HDAC8: variants seen among roughly 807,000 people sequenced by gnomAD.
HDAC8 encodes the protein histone deacetylase-like 1.
HDAC8 carries 1 observed loss-of-function variant against 32.2 expected under a neutral mutation model. The ratio of observed to expected loss-of-function variants is 0.03; its 90% CI spans 0.01 to 0.15. HDAC8 has a LOEUF of 0.15. Among genes scored for constraint, HDAC8 ranks in the 10% least tolerant of loss-of-function variants. The probability of loss-of-function intolerance (pLI) is 1.00; values close to 1 mark genes in which losing one functional copy is unlikely to be tolerated. For synonymous variants in HDAC8, 108 were observed against 113.9 expected (o/e 0.95, Z 0.33); for missense variants, 117 against 300.0 (o/e 0.39, Z 4.51).
At chrX:72,567,700 G>C (rs782244592) in intron 4 of HDAC8, 189 bp downstream of exon 4, 2 of 1,194,189 alleles carry the variant, frequency 1.7e-6, no homozygotes, top group Admixed American at 4.4e-5. Context: ...TCCTGACTTT[G>C]AGCAGTGTGC....
chrX:72,344,664 C>G (rs2043977144), intron 10 of HDAC8, among the ~76,000 whole-genome samples: 1 of 111,814 alleles, frequency 8.9e-6, no homozygotes, highest in Non-Finnish European at 1.9e-5. Flanking sequence ...TGTTCCCTCC[C>G]CCAAGAGCTT....
intron 7 of HDAC8, among the ~76,000 whole-genome samples, chrX:72,466,446 CTTTTCCTGAGGA>C (rs1180120483): frequency 2.7e-5 from 3 of 112,127 alleles, no homozygotes; most frequent in African/African-American, 9.7e-5. Context: ...GAATAATCAA[CTTTTCCTGAGGA>C]TTTTAAAAAG....
intron 9 of HDAC8, among the ~76,000 whole-genome samples, chrX:72,460,958 G>A (rs900269335): frequency 8.9e-6 from 1 of 112,119 alleles, no homozygotes; most frequent in Admixed American, 9.5e-5. Context: ...CCTTCTATTT[G>A]TATTCTAGAC....
intron 7 of HDAC8, among the ~76,000 whole-genome samples, chrX:72,472,044 C>A (rs1555997958): frequency 9.6e-6 from 1 of 103,790 alleles, no homozygotes; most frequent in African/African-American, 3.5e-5. Flanking sequence ...GGTAAGGGTC[C>A]AACTTTATTT....
chrX:72,378,126 A>C (rs2045142866), intron 9 of HDAC8, among the ~76,000 whole-genome samples: 1 of 110,708 alleles, frequency 9.0e-6, no homozygotes, highest in African/African-American at 3.3e-5. Flanking sequence ...ACTTAATTTC[A>C]ATAGTATATG....
chrX:72,472,460 T>C (rs1266103391), intron 7 of HDAC8, among the ~76,000 whole-genome samples: 3 of 112,030 alleles, frequency 2.7e-5, no homozygotes, highest in African/African-American at 9.7e-5. Flanking sequence ...TCTTGGCCCC[T>C]TTGTGTAAAA....
At chrX:72,561,736 A>C (rs1448558714) in intron 4 of HDAC8, among the ~76,000 whole-genome samples, 1 of 112,715 alleles carries the variant, frequency 8.9e-6, no homozygotes, top group African/African-American at 3.2e-5. Flanking sequence ...TAATCAGCAG[A>C]GTTAACAACC....
chrX:72,570,507 G>A (rs1273794676), intron 2 of HDAC8, among the ~76,000 whole-genome samples: 1 of 109,074 alleles, frequency 9.2e-6, no homozygotes, highest in Non-Finnish European at 1.9e-5. Flanking sequence ...TACTCGGGAG[G>A]CTGAGGCAGG....
intron 7 of HDAC8, among the ~76,000 whole-genome samples, chrX:72,472,747 C>G (rs1036502484): frequency 8.9e-6 from 1 of 111,766 alleles, no homozygotes; most frequent in Non-Finnish European, 1.9e-5. Flanking sequence ...TATGCTAAAC[C>G]TGTCATCTTA....
At position 72,436,048 on chromosome X, in the gene HDAC8, G is replaced by GA. The variant is rs371096583; in HGVS notation, c.1005+25955dup. Among the ~76,000 whole-genome samples, 730 of 104,317 alleles carry GA rather than the reference G, an allele frequency of 7.0e-3. 3 individuals carry two copies. The highest frequency in any genetic ancestry group is 0.013 in the African/African-American group (370 of 28,724). 90.6% of individuals were successfully genotyped at this position (104,317 alleles called of 115,157 possible). ...CTAGACAATGGAGAGAAAAGAAACTGAAAAAAAAAATGAACAGAGTCTCAG... is the reference window on the plus strand; with the variant it reads ...CTAGACAATGGAGAGAAAAGAAACTGAAAAAAAAAAATGAACAGAGTCTCAG... On this transcript the variant is annotated intron_variant, in intron 9 of 10. Transcript: ENST00000373573.
At chrX:72,398,766 C>CT (rs782753845) in intron 9 of HDAC8, among the ~76,000 whole-genome samples, 32 of 102,565 alleles carry the variant, frequency 3.1e-4, no homozygotes, top group Non-Finnish European at 3.6e-4. Flanking sequence ...TTTTTTCTTT[C>CT]TTTTTTTTTG....
At chrX:72,467,890 A>G in intron 7 of HDAC8, 1 of 1,012,909 alleles carries the variant, frequency 9.9e-7, no homozygotes, top group South Asian at 2.2e-5. Context: ...TATAACATTT[A>G]TGAGTGTTTG....
intron 9 of HDAC8, among the ~76,000 whole-genome samples, chrX:72,390,812 C>T (rs1210710478): frequency 8.9e-6 from 1 of 112,200 alleles, no homozygotes; most frequent in Non-Finnish European, 1.9e-5. Flanking sequence ...AGTGTACTTG[C>T]ATATAATTTG....
intron 9 of HDAC8, among the ~76,000 whole-genome samples, chrX:72,425,944 C>T (rs1383774516): frequency 8.9e-6 from 1 of 112,099 alleles, no homozygotes. Context: ...TTTGAGACAA[C>T]CTGCACATAT....
intron 10 of HDAC8, among the ~76,000 whole-genome samples, chrX:72,332,062 T>G (rs1212396413): frequency 1.8e-5 from 2 of 112,481 alleles, no homozygotes; most frequent in Non-Finnish European, 3.8e-5. Flanking sequence ...TAGGCTTTTT[T>G]CACTCAGCAT....
intron 4 of HDAC8, chrX:72,567,490 T>C (rs1556136970): frequency 2.8e-6 from 1 of 363,152 alleles, no homozygotes; most frequent in African/African-American, 2.5e-5. Flanking sequence ...CTAATGTTGT[T>C]CTCTATTCTA....
rs370067954 is a variant in HDAC8, at chrX:72,491,023, C to T, written c.551-17G>A. On this transcript the variant is annotated splice_polypyrimidine_tract_variant and intron_variant, in intron 5 of 10. Coordinates refer to ENST00000373573, the MANE Select transcript of HDAC8 (RefSeq NM_018486.3). The stretch of plus-strand genomic sequence containing the variant: ...CTTCTACACCTAACAGATAAAGAAA[C>T]ATCAAAAGAATCACTTCACATATGG... 12 of 1,111,446 alleles carry T rather than the reference C, an allele frequency of 1.1e-5. No individual in the cohort carries two copies. The African/African-American group carries it at 2.0e-4, about 18-fold the overall frequency. The allele number at this position is 1,111,446 out of a possible 1,213,427, so 91.6% of individuals were successfully genotyped here.
At position 72,372,796 on chromosome X, in the gene HDAC8, G is replaced by T. The variant is rs145568211; in HGVS notation, c.1006-20958C>A. On this transcript the variant is annotated intron_variant, in intron 9 of 10. Coordinates refer to ENST00000373573, the MANE Select transcript of HDAC8 (RefSeq NM_018486.3). ...TTAGTTTCCTCATCTGGAAAATGAG[G>T]ATGATAATAATACTATGTATTAAAT... is the stretch of plus-strand genomic sequence containing the variant. Among the ~76,000 whole-genome samples, 769 of 111,599 alleles carry T rather than the reference G, an allele frequency of 6.9e-3. 8 individuals carry two copies. Among genetic ancestry groups the T allele is most frequent in the African/African-American group, 0.024 (730 of 30,703 alleles).
chrX:72,567,559 C>T lies in HDAC8; in HGVS notation c.437+330G>A, dbSNP rs1359564720. On this transcript the variant is annotated intron_variant, in intron 4 of 10. Transcript: ENST00000373573. ...GAAGACAGGGGAATTTCTAGAAAGCCGAAAAGGAATTTAGAGACTGTCTAG... is the reference window on the plus strand; with the variant it reads ...GAAGACAGGGGAATTTCTAGAAAGCTGAAAAGGAATTTAGAGACTGTCTAG... 10 of 444,047 alleles carry T rather than the reference C, an allele frequency of 2.3e-5. No individual in the cohort carries two copies. In the East Asian group the frequency reaches 3.0e-4, roughly 13 times the overall value. The allele number at this position is 444,047 out of a possible 1,213,427, so 36.6% of individuals were successfully genotyped here.
Sources: gnomAD v4.1 joint callset for allele counts (sites outside exome capture counted in the v4.1 genomes callset) on GRCh38, gnomAD v4.1.1 for gene constraint, MANE v1.5 for transcripts, NCBI Gene and HGNC (gene_info 2026-07-23, HGNC 2026-07-21) for gene names.